The following TRAPPC6B variants were observed in gnomAD, a reference collection of about 807,000 sequenced individuals.
TRAPPC6B encodes trafficking protein particle complex subunit 6B.
TRAPPC6B carries 27 observed loss-of-function variants against 24.7 expected under a neutral mutation model. The observed-to-expected ratio is 1.09, with a 90% CI of 0.81 to 1.51. The LOEUF is 1.51. Ranked by LOEUF, TRAPPC6B falls within the 40% of genes most tolerant of loss-of-function variation. The probability of loss-of-function intolerance (pLI) is 0.00; values close to 1 mark genes in which losing one functional copy is unlikely to be tolerated. For missense variants in TRAPPC6B, 212 were observed against 190.8 expected, an observed-to-expected ratio of 1.11 and a Z score of -0.66; for synonymous variants, 80 against 66.6, an observed-to-expected ratio of 1.20 and a Z score of -0.98.
rs1164096030 is a variant in TRAPPC6B, at chr14:39,148,457, A to G, written c.*1893T>C. 2.6e-6 allele frequency: 1 copy of G among 382,830 alleles called. No individual in the cohort carries two copies. The highest frequency in any genetic ancestry group is 4.6e-6 in the Non-Finnish European group (1 of 216,186). 23.7% of individuals were successfully genotyped at this position (382,830 alleles called of 1,614,324 possible). A position where few individuals can be genotyped will look rare whatever the true frequency, so the allele number is the denominator to read the frequency against. On this transcript the variant is annotated 3_prime_UTR_variant, in exon 6 of 6. Transcript: ENST00000330149. Reference sequence around the variant, plus strand: ...AGAGTTTTAGGCCAAAAAAAAAGAAAAAAAAAATGGGGCTTTGTCAGCAAG... The same window carrying G: ...AGAGTTTTAGGCCAAAAAAAAAGAAGAAAAAAATGGGGCTTTGTCAGCAAG...
At chr14:39,169,871 G>A (rs2053148748) in intron 1 of TRAPPC6B, 144 bp downstream of exon 1, 3 of 696,700 alleles carry the variant, frequency 4.3e-6, no homozygotes, top group East Asian at 2.7e-5. Flanking sequence ...CAGGTTCTAG[G>A]GTTTAGGACA....
intron 4 of TRAPPC6B, among the ~76,000 whole-genome samples, chr14:39,152,800 C>T (rs1020622956): frequency 6.6e-6 from 1 of 152,196 alleles, no homozygotes; most frequent in South Asian, 2.1e-4. Flanking sequence ...ATTGGTCCAA[C>T]TTACTCTTTT....
chr14:39,155,694 G>A (rs2052969250), intron 3 of TRAPPC6B, among the ~76,000 whole-genome samples: 1 of 151,794 alleles, frequency 6.6e-6, no homozygotes, highest in Non-Finnish European at 1.5e-5. Flanking sequence ...GCGCCAATAT[G>A]CCTGGCTAAT....
At chr14:39,164,735 G>A (rs2053090962) in intron 1 of TRAPPC6B, among the ~76,000 whole-genome samples, 1 of 152,180 alleles carries the variant, frequency 6.6e-6, no homozygotes, top group East Asian at 1.9e-4. Context: ...TACTTGGGAG[G>A]CTGAGGTAGG....
chr14:39,159,111 A>T (rs2053022678), intron 2 of TRAPPC6B: 1 of 154,638 alleles, frequency 6.5e-6, no homozygotes, highest in South Asian at 2.1e-4. Context: ...ACGCATAAAC[A>T]TAGACTATAG....
chr14:39,150,573 C>G (rs1036619814), intron 5 of TRAPPC6B, among the ~76,000 whole-genome samples, 192 bp from the exon 6 acceptor site: 4 of 151,972 alleles, frequency 2.6e-5, no homozygotes, highest in Non-Finnish European at 2.9e-5. Flanking sequence ...GAGTCTTGCT[C>G]TGTTGCCCAG....
At chr14:39,166,561 C>A (rs907758539) in intron 1 of TRAPPC6B, among the ~76,000 whole-genome samples, 7 of 152,086 alleles carry the variant, frequency 4.6e-5, no homozygotes, top group African/African-American at 1.7e-4. Context: ...ATGATAATAG[C>A]CCTTCCCGAA....
chr14:39,169,025 C>T (rs537234395), intron 1 of TRAPPC6B, among the ~76,000 whole-genome samples: 2 of 152,314 alleles, frequency 1.3e-5, no homozygotes, highest in East Asian at 1.9e-4. Context: ...CAAAGAAATG[C>T]TTAAGTGTAT....
At chr14:39,156,691 A>G (rs2052982576) in intron 3 of TRAPPC6B, 1 of 152,234 alleles carries the variant, frequency 6.6e-6, no homozygotes, top group South Asian at 2.1e-4. Flanking sequence ...AAAATGCTCT[A>G]TAAATTAGAC....
At chr14:39,167,132 T>C (rs2053117246) in intron 1 of TRAPPC6B, among the ~76,000 whole-genome samples, 1 of 152,234 alleles carries the variant, frequency 6.6e-6, no homozygotes, top group Non-Finnish European at 1.5e-5. Flanking sequence ...TGCTACTTGT[T>C]CATGCACTTT....
intron 1 of TRAPPC6B, among the ~76,000 whole-genome samples, chr14:39,161,491 G>A (rs1396194076): frequency 1.3e-5 from 2 of 152,066 alleles, no homozygotes; most frequent in Non-Finnish European, 2.9e-5. Context: ...CCCAAAAGAC[G>A]GAATGACTTA....
intron 3 of TRAPPC6B, among the ~76,000 whole-genome samples, chr14:39,158,009 A>G (rs1237804056): frequency 6.6e-6 from 1 of 152,248 alleles, no homozygotes; most frequent in African/African-American, 2.4e-5. Flanking sequence ...TAAGGAACCA[A>G]ATAGTAAAAG....
intron 4 of TRAPPC6B, among the ~76,000 whole-genome samples, chr14:39,153,092 A>C (rs958949210): frequency 6.6e-6 from 1 of 151,988 alleles, no homozygotes. Context: ...GGAGTTTGAG[A>C]CTAGCCTCGC....
chr14:39,167,005 C>T lies in TRAPPC6B; in HGVS notation c.81+3010G>A, dbSNP rs1463658197. 3.9e-5 allele frequency among the ~76,000 whole-genome samples: 6 copies of T among 152,196 alleles called. No homozygotes were observed. In the South Asian group the frequency reaches 1.2e-3, roughly 31 times the overall value. On this transcript the variant is annotated intron_variant, in intron 1 of 5. Transcript: ENST00000330149. ...CAATTCTCCTGTCTTGATAGATCAG[C>T]TCTACCTGGGCAGTGGGGAAGAAGA...
intron 1 of TRAPPC6B, among the ~76,000 whole-genome samples, chr14:39,163,000 C>A (rs1404121261): frequency 6.6e-6 from 1 of 150,734 alleles, no homozygotes; most frequent in Non-Finnish European, 1.5e-5. Context: ...TCTCATGTCA[C>A]CATCTTAGGC....
chr14:39,153,850 G>A (rs1262927633), intron 4 of TRAPPC6B, among the ~76,000 whole-genome samples: 1 of 151,834 alleles, frequency 6.6e-6, no homozygotes, highest in Non-Finnish European at 1.5e-5. Context: ...GATTGCAGGC[G>A]CTCGCCAGAA....
chr14:39,167,052 T>C (rs368364037), intron 1 of TRAPPC6B, among the ~76,000 whole-genome samples: 1 of 152,236 alleles, frequency 6.6e-6, no homozygotes, highest in African/African-American at 2.4e-5. Context: ...AGTTACAATA[T>C]GCTTATATGC....
In TRAPPC6B at chr14:39,158,458, G is replaced by A. The variant is rs79312983; in HGVS notation, c.150-56C>T. 7.4e-3 allele frequency: 7,310 copies of A among 987,120 alleles called. 335 individuals carry two copies. The African/African-American group carries it at 0.1, about 14-fold the overall frequency. 61.1% of individuals were successfully genotyped at this position (987,120 alleles called of 1,614,324 possible). A position where few individuals can be genotyped will look rare whatever the true frequency, so the allele number is the denominator to read the frequency against. On this transcript the variant is annotated intron_variant, in intron 2 of 5. Transcript: ENST00000330149. Reference sequence around the variant, plus strand: ...TTTCTCCTCCAAAAAAAGCAAGAGGGACTAATTATTAACTAATTTCCAAAT... The same window carrying A: ...TTTCTCCTCCAAAAAAAGCAAGAGGAACTAATTATTAACTAATTTCCAAAT...
At position 39,148,423 on chromosome 14, in the gene TRAPPC6B, C is replaced by G. The variant is rs2052878687; in HGVS notation, c.*1927G>C. The G allele has an allele frequency of 2.9e-6, 1 of 350,726 alleles. No homozygotes were observed. Among genetic ancestry groups the G allele is most frequent in the Admixed American group, 4.8e-5 (1 of 20,928 alleles). The allele number at this position is 350,726 out of a possible 1,614,324, so 21.7% of individuals were successfully genotyped here. ...AAGCACCCTATTCTATAGCACAAGG[C>G]AGCCATACAGAGTTTTAGGCCAAAA... On this transcript the variant is annotated 3_prime_UTR_variant, in exon 6 of 6. Coordinates refer to ENST00000330149, the MANE Select transcript of TRAPPC6B (RefSeq NM_001079537.2).
Sources: allele counts gnomAD v4.1 joint callset (sites outside exome capture counted in the v4.1 genomes callset), GRCh38; gene constraint gnomAD v4.1.1; transcripts MANE v1.5; gene names NCBI Gene and HGNC (gene_info 2026-07-23, HGNC 2026-07-21).